Variants in LIPT1 observed in about 807,000 individuals in gnomAD.
LIPT1 encodes lipoyltransferase 1, also known as lipoyl amidotransferase LIPT1, mitochondrial.
In LIPT1, 22 loss-of-function variants were observed where a neutral mutation model predicts 25.1. That is an observed-to-expected ratio of 0.88 (90% CI 0.63 to 1.25). The LOEUF is 1.25. Among genes scored for constraint, LIPT1 ranks in the 50% most tolerant of loss-of-function variants. LIPT1 has a pLI of 0.00. For missense variants in LIPT1, 399 were observed against 432.8 expected, an observed-to-expected ratio of 0.92 and a Z score of 0.69; for synonymous variants, 131 against 150.8, an observed-to-expected ratio of 0.87 and a Z score of 0.96.
In LIPT1 at chr2:99,158,784, A is replaced by G. The variant is rs556854066; in HGVS notation, c.-1-3173A>G. On this transcript the variant is annotated intron_variant, in intron 1 of 1. Transcript: ENST00000651691. ...CTTCAATGTCACATCCACTAATTAG[A>G]GCATTAGATGGCGCTCTACTGTACT... is the stretch of plus-strand genomic sequence containing the variant. 3.9e-5 allele frequency among the ~76,000 whole-genome samples: 6 copies of G among 152,264 alleles called. No homozygotes were observed. In the East Asian group the frequency reaches 9.6e-4, roughly 24 times the overall value.
At chr2:99,158,074 C>T (rs1021603393) in intron 1 of LIPT1, among the ~76,000 whole-genome samples, 16 of 152,118 alleles carry the variant, frequency 1.1e-4, no homozygotes, top group Admixed American at 6.5e-5. Context: ...GAGATGAGTC[C>T]TGTCATTATC....
chr2:99,162,838 T>A lies in LIPT1; in HGVS notation c.881T>A (p.Leu294Ter). 1 of 1,613,752 alleles carries A rather than the reference T, an allele frequency of 6.2e-7. No homozygotes were observed. Among genetic ancestry groups the A allele is most frequent in the Middle Eastern group, 1.7e-4 (1 of 6,058 alleles). ...CATGTGTTATATGAACAGTCACACTTGGAAATTAAAGTATTCATAGACATA... is the reference window on the plus strand; with the variant it reads ...CATGTGTTATATGAACAGTCACACTAGGAAATTAAAGTATTCATAGACATA... The part of the protein sequence containing the change: ...SFHVLYEQSH[L>*]EIKVFIDIKN... Residue 294 changes from leucine to a stop codon, truncating the protein, a stop_gained, in exon 2 of 2, where the codon TTG (leucine) becomes TAG (stop). Coordinates refer to ENST00000651691, the MANE Select transcript of LIPT1 (RefSeq NM_145199.3). LOFTEE classifies it high-confidence loss of function.
intron 1 of LIPT1, 161 bp downstream of exon 1, chr2:99,155,212 A>G (rs950067558): frequency 2.7e-5 from 10 of 376,606 alleles, no homozygotes; most frequent in African/African-American, 1.5e-4. Context: ...TCTCCTCAGC[A>G]CTTGGGACGA....
chr2:99,155,326 A>G (rs2093740120), intron 1 of LIPT1: 1 of 370,872 alleles, frequency 2.7e-6, no homozygotes, highest in South Asian at 2.0e-5. Context: ...TGGGAGCCAA[A>G]AGGGCGAAGT....
intron 1 of LIPT1, among the ~76,000 whole-genome samples, chr2:99,157,054 T>C (rs1023155754): frequency 6.6e-6 from 1 of 152,256 alleles, no homozygotes; most frequent in Non-Finnish European, 1.5e-5. Flanking sequence ...TTATGACGTC[T>C]GAGGCCACTG....
At chr2:99,159,131 T>A (rs1364145171) in intron 1 of LIPT1, among the ~76,000 whole-genome samples, 4 of 152,152 alleles carry the variant, frequency 2.6e-5, no homozygotes. Context: ...GGTTTCACTG[T>A]GTTAGCCAGG....
In LIPT1 at chr2:99,163,103, G is replaced by A; in HGVS notation, c.*24G>A. On this transcript the variant is annotated 3_prime_UTR_variant, in exon 2 of 2. Transcript: ENST00000651691. ...GATTCCAAGTAAATGTCTTAATACA[G>A]TTTCAATTAGAAAATAAAATGTCTC... 7.4e-7 allele frequency: 1 copy of A among 1,355,726 alleles called. No homozygotes were observed. The highest frequency in any genetic ancestry group is 9.7e-7 in the Non-Finnish European group (1 of 1,031,218). 84.0% of individuals were successfully genotyped at this position (1,355,726 alleles called of 1,614,324 possible).
chr2:99,161,423 A>G (rs1417798144), intron 1 of LIPT1: 1 of 148,222 alleles, frequency 6.7e-6, no homozygotes, highest in Non-Finnish European at 1.5e-5. Flanking sequence ...TTTACACCAA[A>G]ATGTTAATTG....
Position 99,162,007 on chromosome 2 carries a change from G to T in LIPT1, c.50G>T (p.Cys17Phe). The change falls in exon 2 of 2, where the codon TGC (cysteine) becomes TTC (phenylalanine). Residue 17 changes from cysteine to phenylalanine, a missense_variant. Physicochemically the swap from Cys to Phe is radical, Grantham distance 205 (BLOSUM62 -2). Transcript: ENST00000651691. Reference protein sequence around the residue: ...MKNCFQLLCNCQVPAAGFKKT... With the variant: ...MKNCFQLLCNFQVPAAGFKKT... The stretch of plus-strand genomic sequence containing the variant: ...AATTGCTTCCAGTTACTTTGTAACT[G>T]CCAGGTCCCAGCAGCTGGCTTTAAA... 1 of 1,613,116 alleles carries T rather than the reference G, an allele frequency of 6.2e-7. No homozygotes were observed.
At chr2:99,155,422 T>C (rs2093741572) in intron 1 of LIPT1, 1 of 453,070 alleles carries the variant, frequency 2.2e-6, no homozygotes, top group Non-Finnish European at 4.4e-6. Flanking sequence ...TGGCGAGGTC[T>C]TATGAAGAAG....
chr2:99,158,744 C>G (rs1406807663), intron 1 of LIPT1, among the ~76,000 whole-genome samples: 1 of 152,112 alleles, frequency 6.6e-6, no homozygotes, highest in Non-Finnish European at 1.5e-5. Context: ...TTTCTTTATC[C>G]CTTTTATGTC....
intron 1 of LIPT1, chr2:99,155,570 T>C (rs911436648): frequency 1.8e-5 from 8 of 454,786 alleles, no homozygotes; most frequent in African/African-American, 1.6e-4. Context: ...GAGGAAAAAC[T>C]TCAAAAAATT....
chr2:99,162,886 G>T lies in LIPT1; in HGVS notation c.929G>T (p.Cys310Phe). ...ATAAAGAATGGAAGAATTGAAATTT[G>T]TAATATTGAAGCACCTGATCATTGG... Reference protein sequence around the residue: ...IDIKNGRIEICNIEAPDHWLP... With the variant: ...IDIKNGRIEIFNIEAPDHWLP... Residue 310 changes from cysteine to phenylalanine, a missense_variant, in exon 2 of 2, where the codon TGT becomes TTT. Cys to Phe is a radical substitution (Grantham distance 205, BLOSUM62 -2). Coordinates refer to ENST00000651691, the MANE Select transcript of LIPT1 (RefSeq NM_145199.3). The T allele has an allele frequency of 6.2e-7, 1 of 1,612,868 alleles. No individual in the cohort carries two copies. Among genetic ancestry groups the T allele is most frequent in the Non-Finnish European group, 8.5e-7 (1 of 1,179,336 alleles).
Position 99,162,544 on chromosome 2 carries a change from C to T in LIPT1, c.587C>T (p.Pro196Leu), listed in dbSNP as rs746115042. ...TTCTTGTCTTCTTTGCTAAAGAGCC[C>T]TTACCAAGGGATCAGGAGCAATGCC... ...GTFLSSLLKS[P>L]YQGIRSNATA... The change falls in exon 2 of 2, where the codon CCT (proline) becomes CTT (leucine). Residue 196 changes from proline to leucine, a missense_variant. Transcript: ENST00000651691. 1.1e-5 allele frequency: 18 copies of T among 1,614,032 alleles called. No individual in the cohort carries two copies. In the Admixed American group the frequency reaches 1.5e-4, roughly 13 times the overall value.
At chr2:99,160,277 G>T (rs62156412) in intron 1 of LIPT1, among the ~76,000 whole-genome samples, 21,949 of 152,082 alleles carry the variant, frequency 0.14, 1,917 homozygotes, top group Non-Finnish European at 0.19. Context: ...GCATGGTGGC[G>T]CATACCTGTA....
chr2:99,155,092 C>T (rs1023608455), intron 1 of LIPT1, 41 bp downstream of exon 1: 1 of 454,076 alleles, frequency 2.2e-6, no homozygotes, highest in Non-Finnish European at 4.4e-6. Flanking sequence ...ATGTTGCGGG[C>T]CGTAGCGCGT....
Position 99,162,919 on chromosome 2 carries a change from T to C in LIPT1, c.962T>C (p.Leu321Ser), listed in dbSNP as rs367987717. The change falls in exon 2 of 2, where the codon TTG becomes TCG. Residue 321 changes from leucine (L) to serine (S), a missense_variant. Transcript: ENST00000651691. ...NIEAPDHWLP[L>S]EIRDKLNSSL... is the part of the protein sequence containing the mutation. ...GAAGCACCTGATCATTGGTTGCCAT[T>C]GGAAATACGTGACAAATTAAATTCA... 3.7e-6 allele frequency: 6 copies of C among 1,613,670 alleles called. No individual in the cohort carries two copies. Among genetic ancestry groups the C allele is most frequent in the Non-Finnish European group, 5.1e-6 (6 of 1,179,890 alleles).
chr2:99,159,406 C>T (rs1294635945), intron 1 of LIPT1, among the ~76,000 whole-genome samples: 1 of 152,258 alleles, frequency 6.6e-6, no homozygotes, highest in African/African-American at 2.4e-5. Flanking sequence ...CCTTCTCTCT[C>T]TCTCTCTCTC....
At chr2:99,159,402 C>G (rs2632284) in intron 1 of LIPT1, among the ~76,000 whole-genome samples, 86,664 of 151,916 alleles carry the variant, frequency 0.57, 25,831 homozygotes, top group East Asian at 0.88. Context: ...ATCCCCTTCT[C>G]TCTCTCTCTC....
Sources: allele counts gnomAD v4.1 joint callset (sites outside exome capture counted in the v4.1 genomes callset), GRCh38; gene constraint gnomAD v4.1.1; transcripts MANE v1.5; gene names NCBI Gene and HGNC (gene_info 2026-07-23, HGNC 2026-07-21).